USP34: variants seen among roughly 807,000 people sequenced by gnomAD.
USP34 encodes ubiquitin carboxyl-terminal hydrolase 34.
USP34 carries 70 observed loss-of-function variants against 460.3 expected under a neutral mutation model. The ratio of observed to expected loss-of-function variants is 0.15; its 90% CI spans 0.13 to 0.19. The LOEUF (loss-of-function observed/expected upper bound fraction) is 0.19. USP34 is among the 10% of genes least tolerant of loss of function. USP34 has a pLI of 1.00. For missense variants in USP34, 3,985 were observed against 4,236.2 expected (o/e 0.94, Z 1.65); for synonymous variants, 1,647 against 1,405.3 (o/e 1.17, Z -3.85).
chr2:61,191,153 C>T (rs1263312231), intron 76 of USP34: 3 of 153,058 alleles, frequency 2.0e-5, no homozygotes, highest in Non-Finnish European at 4.4e-5. Context: ...ACCTTTTCCC[C>T]CCATAAACAC....
At chr2:61,201,981 C>T (rs1162633440) in intron 75 of USP34, among the ~76,000 whole-genome samples, 1 of 152,124 alleles carries the variant, frequency 6.6e-6, no homozygotes, top group Non-Finnish European at 1.5e-5. Flanking sequence ...CTGAAACGGC[C>T]AATCTGAATA....
intron 1 of USP34, among the ~76,000 whole-genome samples, chr2:61,454,936 C>T (rs1695392766): frequency 1.4e-5 from 2 of 140,008 alleles, no homozygotes; most frequent in Non-Finnish European, 3.0e-5. Context: ...GGATGGAGTG[C>T]AGTGGTGCCA....
At chr2:61,220,174 AAAAAAAAAG>A in intron 67 of USP34, 127 bp downstream of exon 67, 2 of 385,990 alleles carry the variant, frequency 5.2e-6, no homozygotes, top group Non-Finnish European at 7.8e-6. Flanking sequence ...AAAAAAAAAA[AAAAAAAAAG>A]GAAATAACAT....
chr2:61,436,548 G>C (rs1219899186), intron 1 of USP34, among the ~76,000 whole-genome samples: 5 of 152,150 alleles, frequency 3.3e-5, no homozygotes, highest in Admixed American at 2.6e-4. Context: ...AGAGGACCCA[G>C]ATATACAACA....
chr2:61,275,387 CGGGA>C (rs889194866), intron 41 of USP34, among the ~76,000 whole-genome samples: 3 of 152,132 alleles, frequency 2.0e-5, no homozygotes, highest in African/African-American at 4.8e-5. Context: ...GAGGCCAAGA[CGGGA>C]GGATCACTTA....
chr2:61,407,646 A>G (rs1573011274), intron 2 of USP34, among the ~76,000 whole-genome samples: 1 of 152,208 alleles, frequency 6.6e-6, no homozygotes, highest in African/African-American at 2.4e-5. Flanking sequence ...TAGTGAATAG[A>G]AAGTGGTGGA....
At position 61,278,501 on chromosome 2, in the gene USP34, T is replaced by C. The variant is rs1010518754; in HGVS notation, c.5257-58A>G. ...TAAATTTTTTATGTTTTACCAAACA[T>C]AAAATTATTAAAATCATTTCCTTAT... On this transcript the variant is annotated intron_variant, in intron 39 of 79. Transcript: ENST00000398571. 9.5e-6 allele frequency: 12 copies of C among 1,269,288 alleles called. No individual in the cohort carries two copies. In the African/African-American group the frequency reaches 1.4e-4, roughly 14 times the overall value. 78.6% of individuals were successfully genotyped at this position (1,269,288 alleles called of 1,614,324 possible). A position where few individuals can be genotyped will look rare whatever the true frequency, so the allele number is the denominator to read the frequency against.
intron 1 of USP34, among the ~76,000 whole-genome samples, chr2:61,442,555 A>G (rs141195023): frequency 4.0e-4 from 61 of 152,330 alleles, no homozygotes; most frequent in African/African-American, 1.3e-3. Flanking sequence ...CAAAACCACA[A>G]TGAAGTATCT....
chr2:61,405,928 C>T lies in USP34; in HGVS notation c.332G>A (p.Cys111Tyr). 4 of 1,613,588 alleles carry T rather than the reference C, an allele frequency of 2.5e-6. No individual in the cohort carries two copies. Among genetic ancestry groups the T allele is most frequent in the Non-Finnish European group, 3.4e-6 (4 of 1,179,926 alleles). The part of the protein sequence containing the change: ...AEEPLNIDRE[C>Y]NEGSTERQKS... Reference sequence around the variant, plus strand: ...TTGTCTTTCTGTACTTCCTTCATTACACTCTCTATCTATATTCAGTGGTTC... The same window carrying T: ...TTGTCTTTCTGTACTTCCTTCATTATACTCTCTATCTATATTCAGTGGTTC... Residue 111 changes from cysteine to tyrosine, a missense_variant, in exon 3 of 80, where the codon TGT becomes TAT. This residue lies in a region of USP34 where 331 missense variants were observed against 293.7 expected (regional missense o/e 1.13). Coordinates refer to ENST00000398571, the MANE Select transcript of USP34 (RefSeq NM_014709.4).
At chr2:61,468,599 A>G (rs966334930) in intron 1 of USP34, among the ~76,000 whole-genome samples, 1 of 152,248 alleles carries the variant, frequency 6.6e-6, no homozygotes, top group Non-Finnish European at 1.5e-5. Flanking sequence ...CCACTGGCTT[A>G]CACACAAATA....
At chr2:61,442,898 TACACACACACACACAC>T (rs58151221) in intron 1 of USP34, among the ~76,000 whole-genome samples, 21 of 147,308 alleles carry the variant, frequency 1.4e-4, no homozygotes, top group East Asian at 8.0e-4. Flanking sequence ...GTGATGTGTG[TACACACACACACACAC>T]ACACACACAC....
intron 18 of USP34, among the ~76,000 whole-genome samples, chr2:61,336,473 C>T (rs1691420049): frequency 6.6e-6 from 1 of 150,566 alleles, no homozygotes; most frequent in African/African-American, 2.4e-5. Context: ...AGTATGTACT[C>T]ATTTTAGGAA....
intron 3 of USP34, among the ~76,000 whole-genome samples, chr2:61,399,743 G>C (rs960691824): frequency 6.6e-6 from 1 of 151,522 alleles, no homozygotes; most frequent in Non-Finnish European, 1.5e-5. Flanking sequence ...CGTGGTGGCG[G>C]GCGCCTGTAA....
chr2:61,417,736 T>A (rs1286090027), intron 2 of USP34, among the ~76,000 whole-genome samples: 1 of 108,644 alleles, frequency 9.2e-6, no homozygotes. Flanking sequence ...TTTTTCTTTT[T>A]TTCTTTTCTT....
In USP34 at chr2:61,188,429, C is replaced by T. The variant is rs767981755; in HGVS notation, c.10314G>A (p.Gln3438=). The change falls in exon 80 of 80, where the codon CAG becomes CAA. Residue 3438 remains glutamine (Q), a synonymous_variant. Coordinates refer to ENST00000398571, the MANE Select transcript of USP34 (RefSeq NM_014709.4). ...AATCGTCATATCTACCATTGTTGGA[C>T]TGTTCTTCTGCATGCTGTGACCTGA... ...SNIRSQHAEE[Q]SNNGRYDDCK... The T allele has an allele frequency of 1.2e-6, 2 of 1,614,198 alleles. No homozygotes were observed. Among genetic ancestry groups the T allele is most frequent in the Admixed American group, 1.7e-5 (1 of 60,034 alleles).
intron 51 of USP34, 26 bp downstream of exon 51, chr2:61,245,184 A>T (rs1266567573): frequency 6.3e-7 from 1 of 1,582,640 alleles, no homozygotes; most frequent in Non-Finnish European, 8.7e-7. Flanking sequence ...GACACAAACC[A>T]TTTATAATTT....
intron 22 of USP34, among the ~76,000 whole-genome samples, chr2:61,318,611 A>G (rs919583604): frequency 2.6e-5 from 4 of 152,236 alleles, no homozygotes; most frequent in Non-Finnish European, 5.9e-5. Context: ...TCAAAATTCA[A>G]TTGGGAATAG....
chr2:61,238,700 T>C (rs865809523), intron 53 of USP34, among the ~76,000 whole-genome samples: 46 of 152,188 alleles, frequency 3.0e-4, no homozygotes, highest in Middle Eastern at 3.2e-3. Context: ...GGCACACCCA[T>C]TTAAAAATAG....
At chr2:61,430,117 AG>A (rs1332500385) in intron 1 of USP34, among the ~76,000 whole-genome samples, 1 of 151,372 alleles carries the variant, frequency 6.6e-6, no homozygotes, top group Non-Finnish European at 1.5e-5. Context: ...CGAGAGGCTG[AG>A]GCAGGAGAAT....
Sources: gnomAD v4.1 joint callset for allele counts (sites outside exome capture counted in the v4.1 genomes callset) on GRCh38, gnomAD v4.1.1 for gene constraint, gnomAD v4.1.1 regional missense constraint, MANE v1.5 for transcripts, NCBI Gene and HGNC (gene_info 2026-07-23, HGNC 2026-07-21) for gene names.